REEP1: variants seen among roughly 807,000 people sequenced by gnomAD.
The protein encoded by REEP1 is receptor expression-enhancing protein 1.
Under a neutral mutation model 40.3 loss-of-function variants are expected in REEP1, and 22 were observed. The ratio of observed to expected loss-of-function variants is 0.55; its 90% CI spans 0.39 to 0.78. The LOEUF is 0.78. REEP1 is among the 30% of genes least tolerant of loss of function. The probability of loss-of-function intolerance (pLI) is 0.00; values close to 1 mark genes in which losing one functional copy is unlikely to be tolerated. For synonymous variants in REEP1, 116 were observed against 139.2 expected (o/e 0.83, Z 1.17); for missense variants, 280 against 361.1 (o/e 0.78, Z 1.82).
At chr2:86,284,516 G>A (rs114453030) in intron 1 of REEP1, among the ~76,000 whole-genome samples, 2,279 of 152,314 alleles carry the variant, frequency 0.015, 57 homozygotes, top group African/African-American at 0.044. Context: ...CTGAGGTCTC[G>A]GTAGCGAGGT....
chr2:86,327,106 C>T (rs1221126527), intron 1 of REEP1, among the ~76,000 whole-genome samples: 1 of 152,176 alleles, frequency 6.6e-6, no homozygotes, highest in African/African-American at 2.4e-5. Context: ...AAAAACACTA[C>T]CTTCTTGGCA....
At chr2:86,324,062 G>C (rs1413816270) in intron 1 of REEP1, among the ~76,000 whole-genome samples, 1 of 151,754 alleles carries the variant, frequency 6.6e-6, no homozygotes, top group Non-Finnish European at 1.5e-5. Flanking sequence ...AGAAAAACTA[G>C]AAAACTGCTA....
intron 2 of REEP1, chr2:86,279,973 T>C (rs1192815926): frequency 2.2e-6 from 1 of 455,890 alleles, no homozygotes; most frequent in Admixed American, 2.4e-5. Flanking sequence ...CTAGGGAAAA[T>C]AGTGAGAATC....
intron 3 of REEP1, among the ~76,000 whole-genome samples, chr2:86,262,736 C>A (rs1449217763): frequency 2.0e-5 from 3 of 152,216 alleles, no homozygotes; most frequent in African/African-American, 7.2e-5. Context: ...AACATTCGTA[C>A]AACACAGCAA....
At chr2:86,298,992 A>C (rs1016538070) in intron 1 of REEP1, among the ~76,000 whole-genome samples, 1 of 152,198 alleles carries the variant, frequency 6.6e-6, no homozygotes, top group African/African-American at 2.4e-5. Flanking sequence ...CAATCAATGA[A>C]GCAAAGCTGG....
chr2:86,238,840 T>C (rs1245444410), intron 5 of REEP1, among the ~76,000 whole-genome samples: 1 of 152,144 alleles, frequency 6.6e-6, no homozygotes, highest in African/African-American at 2.4e-5. Flanking sequence ...TTGTCACCAC[T>C]GAGAGCGGCC....
chr2:86,256,863 T>C (rs1425967778), intron 3 of REEP1, among the ~76,000 whole-genome samples: 2 of 152,210 alleles, frequency 1.3e-5, no homozygotes, highest in African/African-American at 2.4e-5. Flanking sequence ...CAGAAAGTCC[T>C]TTCCAGGCAT....
At chr2:86,299,187 G>A (rs1378090033) in intron 1 of REEP1, among the ~76,000 whole-genome samples, 2 of 152,206 alleles carry the variant, frequency 1.3e-5, no homozygotes, top group Non-Finnish European at 1.5e-5. Context: ...CTGCCACTGT[G>A]CTCAGTCATC....
chr2:86,300,724 A>C (rs1474101366), intron 1 of REEP1, among the ~76,000 whole-genome samples: 2 of 152,194 alleles, frequency 1.3e-5, no homozygotes, highest in Admixed American at 1.3e-4. Context: ...GCTCATGCTA[A>C]GGCCAGTTGG....
intron 1 of REEP1, among the ~76,000 whole-genome samples, chr2:86,284,246 C>A (rs2367231): frequency 0.87 from 132,590 of 152,000 alleles, 58,269 homozygotes; most frequent in East Asian, 0.96. Flanking sequence ...CCCCCCCTGA[C>A]GATTGGGCTC....
intron 5 of REEP1, among the ~76,000 whole-genome samples, chr2:86,238,538 C>T (rs1675486134): frequency 6.6e-6 from 1 of 152,190 alleles, no homozygotes; most frequent in Admixed American, 6.5e-5. Flanking sequence ...GAACGTATGA[C>T]CATTTATGGA....
At chr2:86,266,069 G>T (rs914640678) in intron 2 of REEP1, among the ~76,000 whole-genome samples, 1 of 152,050 alleles carries the variant, frequency 6.6e-6, no homozygotes, top group African/African-American at 2.4e-5. Context: ...GAGAAAAATT[G>T]GTCAATAGAA....
chr2:86,282,196 C>T lies in REEP1; in HGVS notation c.79G>A (p.Val27Met), dbSNP rs775638750. Reference sequence around the variant, plus strand: ...TATTCCTTAATGTCCTTTGATTTCACAGCCTTGTAGGAATAATACGCAGGG... The same window carrying T: ...TATTCCTTAATGTCCTTTGATTTCATAGCCTTGTAGGAATAATACGCAGGG... ...LYPAYYSYKAVKSKDIKEYVK... is the reference protein window; with the variant it reads ...LYPAYYSYKAMKSKDIKEYVK... Residue 27 changes from valine (V) to methionine (M), a missense_variant, in exon 2 of 9, where the codon GTG becomes ATG. Val to Met is a conservative substitution (Grantham distance 21). Transcript: ENST00000538924. 1.2e-6 allele frequency: 2 copies of T among 1,611,526 alleles called. No individual in the cohort carries two copies. The highest frequency in any genetic ancestry group is 1.7e-6 in the Non-Finnish European group (2 of 1,177,674).
At chr2:86,337,930 C>T (rs1336157347), upstream of REEP1, 2 of 1,249,392 alleles carry the variant, frequency 1.6e-6, no homozygotes, top group Non-Finnish European at 2.2e-6. This position sits in a 1 kb window ranked among gnomAD's most constrained non-coding sequence, Gnocchi z 5.8. Flanking sequence ...AAACTGAAGT[C>T]CGAACCTGAA....
At chr2:86,298,710 C>T (rs985352314) in intron 1 of REEP1, among the ~76,000 whole-genome samples, 1 of 152,198 alleles carries the variant, frequency 6.6e-6, no homozygotes, top group Non-Finnish European at 1.5e-5. Flanking sequence ...AACAACGGTG[C>T]GCAGAGCAAA....
chr2:86,321,233 A>C (rs960800341), intron 1 of REEP1, among the ~76,000 whole-genome samples: 1 of 152,214 alleles, frequency 6.6e-6, no homozygotes, highest in Non-Finnish European at 1.5e-5. Flanking sequence ...TAACTAAATA[A>C]ATTTGAAAAA....
intron 2 of REEP1, among the ~76,000 whole-genome samples, chr2:86,274,795 T>C (rs1677652404): frequency 6.6e-6 from 1 of 152,082 alleles, no homozygotes; most frequent in African/African-American, 2.4e-5. Flanking sequence ...CTCTCTAAAC[T>C]GGTCAGGAGC....
chr2:86,298,225 T>C, intron 1 of REEP1, among the ~76,000 whole-genome samples: 1 of 152,124 alleles, frequency 6.6e-6, no homozygotes, highest in East Asian at 1.9e-4. Flanking sequence ...AACAGGGTGC[T>C]GGCTAAAGGT....
intron 5 of REEP1, among the ~76,000 whole-genome samples, chr2:86,237,013 C>T (rs140905958): frequency 0.016 from 2,410 of 152,308 alleles, 55 homozygotes; most frequent in African/African-American, 0.054. Context: ...GGATTACAGG[C>T]GTGAGCCACC....
Sources: gnomAD v4.1 joint callset for allele counts (sites outside exome capture counted in the v4.1 genomes callset) on GRCh38, gnomAD v4.1.1 for gene constraint, Gnocchi (gnomAD v3.1) non-coding constraint, MANE v1.5 for transcripts, NCBI Gene and HGNC (gene_info 2026-07-23, HGNC 2026-07-21) for gene names.